SLC25A17: variants seen among roughly 807,000 people sequenced by gnomAD.
SLC25A17 encodes the protein solute carrier family 25 member 17.
A neutral mutation model predicts 38.5 loss-of-function variants in SLC25A17; 26 were observed. The observed-to-expected ratio is 0.68, with a 90% CI of 0.50 to 0.94. SLC25A17 has a LOEUF of 0.94. Among genes scored for constraint, SLC25A17 ranks in the 40% least tolerant of loss-of-function variants. The pLI, the probability that SLC25A17 is intolerant of heterozygous loss-of-function variation, is 0.00. For missense variants in SLC25A17, 333 were observed against 372.7 expected (o/e 0.89, Z 0.88); for synonymous variants, 139 against 136.2 (o/e 1.02, Z -0.14).
chr22:40,801,869 C>G (rs1461715059), intron 1 of SLC25A17, among the ~76,000 whole-genome samples: 4 of 152,152 alleles, frequency 2.6e-5, no homozygotes, highest in African/African-American at 7.2e-5. Context: ...CGGCTCACTG[C>G]AACCTCCACC....
intron 7 of SLC25A17, among the ~76,000 whole-genome samples, chr22:40,774,248 T>C (rs1029360039): frequency 6.7e-6 from 1 of 150,144 alleles, no homozygotes; most frequent in African/African-American, 2.5e-5. Context: ...TTTTGAGACA[T>C]CTTCTCACTC....
rs7349026 is a variant in SLC25A17 at position 40,785,751 on chromosome 22, T to C, written c.335-6626A>G. 3.6e-3 allele frequency among the ~76,000 whole-genome samples: 544 copies of C among 152,070 alleles called. 5 individuals are homozygous for C. The highest frequency in any genetic ancestry group is 0.013 in the African/African-American group (523 of 41,500). On this transcript the variant is annotated intron_variant, in intron 4 of 8. Coordinates refer to ENST00000435456, the MANE Select transcript of SLC25A17 (RefSeq NM_006358.4). The stretch of plus-strand genomic sequence containing the variant: ...CTAAGAGACAGGGTCTCACTCTGAA[T>C]GACTCCTGAATAGCTAGGACTACAA...
intron 7 of SLC25A17, among the ~76,000 whole-genome samples, chr22:40,775,504 C>A (rs540192963): frequency 3.6e-5 from 5 of 139,212 alleles, no homozygotes; most frequent in African/African-American, 1.4e-4. Flanking sequence ...TCGCCCAGGC[C>A]GGACTGCGGA....
intron 1 of SLC25A17, among the ~76,000 whole-genome samples, chr22:40,810,821 T>C (rs577846861): frequency 1.3e-5 from 2 of 152,320 alleles, no homozygotes; most frequent in African/African-American, 4.8e-5. Context: ...AATTTATACA[T>C]CTCCATATAA....
At chr22:40,811,748 G>T (rs2057583575) in intron 1 of SLC25A17, among the ~76,000 whole-genome samples, 1 of 152,140 alleles carries the variant, frequency 6.6e-6, no homozygotes, top group Admixed American at 6.6e-5. Flanking sequence ...CTAACAGTGA[G>T]AACTCACTCA....
chr22:40,800,703 A>G (rs184769126), intron 1 of SLC25A17, among the ~76,000 whole-genome samples: 3 of 151,902 alleles, frequency 2.0e-5, no homozygotes, highest in Non-Finnish European at 2.9e-5. Context: ...GGCTTCATAC[A>G]GTATTTTAAT....
chr22:40,813,640 C>T (rs1386089382), intron 1 of SLC25A17, among the ~76,000 whole-genome samples: 3 of 152,094 alleles, frequency 2.0e-5, no homozygotes, highest in Admixed American at 1.3e-4. Context: ...AGGAGAATGG[C>T]GTGAACCCAG....
At position 40,777,355 on chromosome 22, in the gene SLC25A17, A is replaced by G. The variant is rs1189716452; in HGVS notation, c.470T>C (p.Ile157Thr). 1 of 1,613,254 alleles carries G rather than the reference A, an allele frequency of 6.2e-7. No homozygotes were observed. ...TAAAGCCGAGATTCCTTCATCGCGAATGATCTGATGAAAAGCATCTAAGCA... is the reference window on the plus strand; with the variant it reads ...TAAAGCCGAGATTCCTTCATCGCGAGTGATCTGATGAAAAGCATCTAAGCA... ...KGIIDAFHQI[I>T]RDEGISALWN... The change falls in exon 6 of 9, where the codon ATT becomes ACT. Residue 157 changes from isoleucine (I) to threonine (T), a missense_variant. Ile to Thr is a moderately conservative substitution (Grantham distance 89). Coordinates refer to ENST00000435456, the MANE Select transcript of SLC25A17 (RefSeq NM_006358.4).
At chr22:40,784,500 C>A in intron 4 of SLC25A17, 1 of 180,448 alleles carries the variant, frequency 5.5e-6, no homozygotes, top group South Asian at 9.2e-5. Context: ...CAGCTGGGAG[C>A]AGTGGCTAAT....
At chr22:40,790,590 G>A (rs771135037) in intron 4 of SLC25A17, among the ~76,000 whole-genome samples, 3 of 152,160 alleles carry the variant, frequency 2.0e-5, no homozygotes, top group Non-Finnish European at 4.4e-5. Flanking sequence ...GGAGTCTGCT[G>A]TAATCCTAAA....
intron 8 of SLC25A17, 97 bp downstream of exon 8, chr22:40,773,840 A>G: frequency 1.1e-6 from 1 of 877,404 alleles, no homozygotes. Flanking sequence ...GGTTGCCACC[A>G]CCAAGGCAGT....
At chr22:40,775,436 G>GGT (rs2057231244) in intron 7 of SLC25A17, among the ~76,000 whole-genome samples, 3 of 86,874 alleles carry the variant, frequency 3.5e-5, no homozygotes, top group Non-Finnish European at 6.8e-5. Context: ...AGATCTGATG[G>GGT]TTTTTTTTTT....
At position 40,819,342 on chromosome 22, in the gene SLC25A17, G is replaced by C; in HGVS notation, c.-94C>G. The C allele has an allele frequency of 3.2e-6, 4 of 1,254,438 alleles. No individual in the cohort carries two copies. The highest frequency in any genetic ancestry group is 4.3e-6 in the Non-Finnish European group (4 of 924,670). The allele number at this position is 1,254,438 out of a possible 1,614,324, so 77.7% of individuals were successfully genotyped here. A position where few individuals can be genotyped will look rare whatever the true frequency, so the allele number is the denominator to read the frequency against. ...GAGCACCGGAGCTCAGGGTGTGAGA[G>C]TCGCAATCCCCGCCCTCTCAAACCC... On this transcript the variant is annotated 5_prime_UTR_variant, in exon 1 of 9. Transcript: ENST00000435456.
chr22:40,800,599 T>A (rs1001879243), intron 1 of SLC25A17, among the ~76,000 whole-genome samples: 2 of 152,026 alleles, frequency 1.3e-5, no homozygotes, highest in Non-Finnish European at 2.9e-5. Flanking sequence ...TCTCACTATA[T>A]TTACCCAGGC....
intron 2 of SLC25A17, among the ~76,000 whole-genome samples, chr22:40,795,054 G>A (rs1341632116): frequency 2.7e-5 from 4 of 150,750 alleles, no homozygotes; most frequent in Non-Finnish European, 5.9e-5. Context: ...TACCCGGCCC[G>A]TGTATGTTTA....
chr22:40,795,351 G>A (rs1428529295), intron 2 of SLC25A17, among the ~76,000 whole-genome samples: 1 of 151,528 alleles, frequency 6.6e-6, no homozygotes, highest in African/African-American at 2.4e-5. Context: ...GGAGTGCAGC[G>A]GCGTGATCTC....
In SLC25A17 at chr22:40,792,671, G is replaced by A. The variant is rs1401252155; in HGVS notation, c.188C>T (p.Ala63Val). Residue 63 changes from alanine to valine, a missense_variant, in exon 4 of 9, where the codon GCA (alanine) becomes GTA (valine). Coordinates refer to ENST00000435456, the MANE Select transcript of SLC25A17 (RefSeq NM_006358.4). ...CACTGGAAACCACCCTCGATATGGTGCCAGGCTAGGGGAAAAACACAATAA... is the reference window on the plus strand; with the variant it reads ...CACTGGAAACCACCCTCGATATGGTACCAGGCTAGGGGAAAAACACAATAA... ...LEIIKEEGLLAPYRGWFPVIS... is the reference protein window; with the variant it reads ...LEIIKEEGLLVPYRGWFPVIS... 8 of 1,613,812 alleles carry A rather than the reference G, an allele frequency of 5.0e-6. No individual in the cohort carries two copies. The highest frequency in any genetic ancestry group is 2.7e-5 in the African/African-American group (2 of 74,920).
chr22:40,796,846 CATGGA>C (rs2145682420), intron 2 of SLC25A17, among the ~76,000 whole-genome samples: 1 of 152,204 alleles, frequency 6.6e-6, no homozygotes, highest in Non-Finnish European at 1.5e-5. Flanking sequence ...GCATTCACAC[CATGGA>C]ATGGAACACT....
chr22:40,787,129 G>C (rs2057345171), intron 4 of SLC25A17, among the ~76,000 whole-genome samples: 1 of 152,154 alleles, frequency 6.6e-6, no homozygotes, highest in East Asian at 1.9e-4. Flanking sequence ...ACCTAGGGGT[G>C]GTGGGTACAG....
Sources: gnomAD v4.1 joint callset for allele counts (sites outside exome capture counted in the v4.1 genomes callset) on GRCh38, gnomAD v4.1.1 for gene constraint, MANE v1.5 for transcripts, NCBI Gene and HGNC (gene_info 2026-07-23, HGNC 2026-07-21) for gene names.